The following PTPRD variants were observed in gnomAD, a reference collection of about 807,000 sequenced individuals.
PTPRD encodes receptor-type tyrosine-protein phosphatase delta.
PTPRD carries 34 observed loss-of-function variants against 214.5 expected under a neutral mutation model. That is an observed-to-expected ratio of 0.16 (90% CI 0.12 to 0.21). The LOEUF (loss-of-function observed/expected upper bound fraction) is 0.21. Among genes scored for constraint, PTPRD ranks in the 10% least tolerant of loss-of-function variants. PTPRD has a pLI of 1.00. For missense variants in PTPRD, 2,545 were observed against 2,398.7 expected (o/e 1.06, Z -1.27); for synonymous variants, 1,128 against 845.7 (o/e 1.33, Z -5.79).
intron 3 of PTPRD, among the ~76,000 whole-genome samples, chr9:10,272,273 A>T (rs891160909): frequency 1.3e-5 from 2 of 152,210 alleles, no homozygotes; most frequent in Admixed American, 1.3e-4. Flanking sequence ...ATCTTGTAAC[A>T]TGTATCAGCA....
intron 11 of PTPRD, among the ~76,000 whole-genome samples, chr9:8,772,208 A>C (rs2095258450): frequency 6.6e-6 from 1 of 152,006 alleles, no homozygotes; most frequent in African/African-American, 2.4e-5. Context: ...ATTTTTACAT[A>C]ATTTTATTGT....
intron 10 of PTPRD, among the ~76,000 whole-genome samples, chr9:9,063,830 C>A (rs2099715049): frequency 6.6e-6 from 1 of 152,176 alleles, no homozygotes; most frequent in Non-Finnish European, 1.5e-5. Flanking sequence ...GCAGTTTTCC[C>A]AGTCTAAATC....
intron 3 of PTPRD, among the ~76,000 whole-genome samples, chr9:10,256,535 C>T (rs1322150): frequency 0.99 from 150,189 of 152,288 alleles, 74,073 homozygotes; most frequent in Non-Finnish European, 1. Flanking sequence ...CTGAGTGAAA[C>T]GTCATTATGT....
intron 9 of PTPRD, among the ~76,000 whole-genome samples, chr9:9,322,259 A>T (rs1295663889): frequency 6.6e-6 from 1 of 152,188 alleles, no homozygotes; most frequent in African/African-American, 2.4e-5. Flanking sequence ...GTATTCTACT[A>T]AACTTTGGAA....
At chr9:9,820,935 C>A (rs931378206) in intron 5 of PTPRD, among the ~76,000 whole-genome samples, 11 of 152,010 alleles carry the variant, frequency 7.2e-5, no homozygotes, top group African/African-American at 2.7e-4. Context: ...TGTCCTTGTT[C>A]TTTTTGTTCA....
intron 12 of PTPRD, among the ~76,000 whole-genome samples, chr9:8,641,108 G>C (rs549211186): frequency 6.7e-6 from 1 of 148,330 alleles, no homozygotes; most frequent in African/African-American, 2.6e-5. Flanking sequence ...ATGATGAATC[G>C]TCTGCCTTAT....
intron 5 of PTPRD, among the ~76,000 whole-genome samples, chr9:9,781,799 T>C (rs571899060): frequency 6.8e-6 from 1 of 148,112 alleles, no homozygotes; most frequent in Non-Finnish European, 1.5e-5. Context: ...GGACTCATAT[T>C]TTTTTTTTTT....
intron 4 of PTPRD, among the ~76,000 whole-genome samples, chr9:10,031,497 T>G (rs928212596): frequency 1.3e-5 from 2 of 151,422 alleles, no homozygotes; most frequent in Non-Finnish European, 2.9e-5. Context: ...GGATGCTTCC[T>G]GCCCTGGAAC....
At chr9:10,359,223 G>A (rs1565520871) in intron 2 of PTPRD, among the ~76,000 whole-genome samples, 1 of 151,962 alleles carries the variant, frequency 6.6e-6, no homozygotes, top group South Asian at 2.1e-4. Context: ...AGATGTAGGT[G>A]CAAAGATTGT....
chr9:9,598,966 T>C (rs577199087), intron 7 of PTPRD, among the ~76,000 whole-genome samples: 1 of 152,148 alleles, frequency 6.6e-6, no homozygotes, highest in African/African-American at 2.4e-5. Flanking sequence ...AAGCCCCTCA[T>C]ATTGTACTCT....
chr9:8,468,891 C>A (rs1439093365), intron 31 of PTPRD, among the ~76,000 whole-genome samples: 2 of 151,570 alleles, frequency 1.3e-5, no homozygotes, highest in Non-Finnish European at 2.9e-5. Context: ...TGTTCCCCTC[C>A]ACAATGGTTA....
intron 33 of PTPRD, among the ~76,000 whole-genome samples, chr9:8,454,077 T>G (rs2096076997): frequency 6.6e-6 from 1 of 152,212 alleles, no homozygotes; most frequent in African/African-American, 2.4e-5. Flanking sequence ...ATTGCTCTTA[T>G]TATTCAAGAC....
intron 9 of PTPRD, among the ~76,000 whole-genome samples, chr9:9,334,874 C>T (rs1045358463): frequency 6.6e-6 from 1 of 151,806 alleles, no homozygotes; most frequent in Non-Finnish European, 1.5e-5. Flanking sequence ...AAGAAATCAA[C>T]ATTAGATGCT....
intron 11 of PTPRD, among the ~76,000 whole-genome samples, chr9:8,806,720 T>A (rs115917752): frequency 1.3e-5 from 2 of 152,286 alleles, no homozygotes; most frequent in Non-Finnish European, 2.9e-5. Flanking sequence ...TGTTCTGATG[T>A]TTTAATGTGT....
intron 40 of PTPRD, 64 bp downstream of exon 40, chr9:8,341,629 A>G (rs1216603438): frequency 1.9e-6 from 3 of 1,564,942 alleles, no homozygotes; most frequent in Admixed American, 1.8e-5. Flanking sequence ...AAGTAAAGCC[A>G]CGACTCAAAG....
intron 2 of PTPRD, among the ~76,000 whole-genome samples, chr9:10,351,810 C>A (rs571829129): frequency 1.3e-5 from 2 of 151,722 alleles, no homozygotes; most frequent in Non-Finnish European, 2.9e-5. Flanking sequence ...AATGTAGAGG[C>A]CTAGAACATA....
chr9:9,131,101 A>T (rs530588601), intron 10 of PTPRD, among the ~76,000 whole-genome samples: 3 of 152,288 alleles, frequency 2.0e-5, no homozygotes, highest in Admixed American at 1.3e-4. Context: ...GAAATAGAAA[A>T]GTTGAAGTTA....
intron 3 of PTPRD, among the ~76,000 whole-genome samples, chr9:10,074,962 G>A (rs1227767485): frequency 6.6e-6 from 1 of 152,084 alleles, no homozygotes; most frequent in African/African-American, 2.4e-5. Flanking sequence ...CGATTTAGGT[G>A]TCCTTTCCTT....
At chr9:8,603,883 G>T (rs893386715) in intron 14 of PTPRD, among the ~76,000 whole-genome samples, 8 of 152,088 alleles carry the variant, frequency 5.3e-5, no homozygotes, top group Admixed American at 4.6e-4. Flanking sequence ...TAGAAGAAAG[G>T]CTACAATGAA....
Sources: allele counts gnomAD v4.1 joint callset (sites outside exome capture counted in the v4.1 genomes callset), GRCh38; gene constraint gnomAD v4.1.1; transcripts MANE v1.5; gene names NCBI Gene and HGNC (gene_info 2026-07-23, HGNC 2026-07-21).